MAPT: variants seen among roughly 807,000 people sequenced by gnomAD.
MAPT encodes microtubule associated protein tau.
A neutral mutation model predicts 67.9 loss-of-function variants in MAPT; 34 were observed. That is an observed-to-expected ratio of 0.50 (90% CI 0.38 to 0.67). The LOEUF (loss-of-function observed/expected upper bound fraction) is 0.67. MAPT is among the 30% of genes least tolerant of loss of function. The pLI is 0.00. For synonymous variants in MAPT, 456 were observed against 464.5 expected (o/e 0.98, Z 0.23); for missense variants, 881 against 1,115.2 (o/e 0.79, Z 2.99).
intron 1 of MAPT, among the ~76,000 whole-genome samples, chr17:45,944,454 C>T (rs1598080462): frequency 1.3e-5 from 2 of 152,174 alleles, no homozygotes; most frequent in African/African-American, 2.4e-5. Context: ...GGGTTGGGGG[C>T]GAGTGGCCTC....
At chr17:45,968,557 T>A (rs975168851) in intron 2 of MAPT, among the ~76,000 whole-genome samples, 6 of 152,190 alleles carry the variant, frequency 3.9e-5, no homozygotes, top group Non-Finnish European at 8.8e-5. Context: ...ATTTCCAGAC[T>A]AAAAGTCCCC....
chr17:46,003,468 G>A (rs2075187514), intron 9 of MAPT, among the ~76,000 whole-genome samples: 1 of 151,910 alleles, frequency 6.6e-6, no homozygotes, highest in Non-Finnish European at 1.5e-5. Context: ...TAGTAGAGGA[G>A]GGGTGTCACC....
intron 1 of MAPT, among the ~76,000 whole-genome samples, chr17:45,945,627 A>T (rs936830789): frequency 4.6e-5 from 7 of 152,328 alleles, no homozygotes; most frequent in South Asian, 2.1e-4. Context: ...AGCCTGGCCA[A>T]CATGGTGAAA....
chr17:45,994,057 G>A, intron 8 of MAPT: 1 of 1,398,104 alleles, frequency 7.2e-7, no homozygotes, highest in Non-Finnish European at 9.8e-7. Flanking sequence ...CTAGAGCCGG[G>A]AGGACCCTTT....
At chr17:45,992,159 GA>G (rs1039736883) in intron 8 of MAPT, among the ~76,000 whole-genome samples, 1 of 151,724 alleles carries the variant, frequency 6.6e-6, no homozygotes, top group Non-Finnish European at 1.5e-5. Flanking sequence ...ACAGAAAAAG[GA>G]AAAAAAAGAA....
chr17:46,002,023 T>C (rs919411345), intron 9 of MAPT, among the ~76,000 whole-genome samples: 1 of 152,174 alleles, frequency 6.6e-6, no homozygotes, highest in African/African-American at 2.4e-5. Flanking sequence ...CACTGCAACG[T>C]GGAGCTCTTC....
intron 5 of MAPT, among the ~76,000 whole-genome samples, chr17:45,986,186 T>C (rs762880242): frequency 2.0e-5 from 3 of 152,160 alleles, no homozygotes; most frequent in Non-Finnish European, 2.9e-5. Flanking sequence ...TTCGTGCCCT[T>C]TGAAGACCAG....
chr17:45,929,191 A>T, intron 1 of MAPT, among the ~76,000 whole-genome samples: 1 of 152,224 alleles, frequency 6.6e-6, no homozygotes. Flanking sequence ...TGTTAATTTC[A>T]TATTTCATGA....
chr17:46,003,384 C>T (rs1335466079), intron 9 of MAPT, among the ~76,000 whole-genome samples: 1 of 151,436 alleles, frequency 6.6e-6, no homozygotes, highest in African/African-American at 2.4e-5. Flanking sequence ...GTTGAAGCAA[C>T]TCTCCTGCCT....
intron 1 of MAPT, chr17:45,908,076 A>G (rs1174493620): frequency 6.6e-6 from 1 of 152,250 alleles, no homozygotes; most frequent in Non-Finnish European, 1.5e-5. Context: ...GCCTCTGTGA[A>G]TGGGTCATAT....
Position 45,971,875 on chromosome 17 carries a change from C to G in MAPT, c.150C>G (p.Thr50=). The change falls in exon 3 of 13, where the codon ACC becomes ACG. Residue 50 remains threonine (T), a synonymous_variant. Coordinates refer to ENST00000262410, the MANE Select transcript of MAPT (RefSeq NM_001377265.1). This position sits in a 1 kb window ranked among gnomAD's most constrained non-coding sequence, Gnocchi z 4.3. ...DAGLKESPLQ[T]PTEDGSEEPG... Reference sequence around the variant, plus strand: ...GTGTTCCAGAATCTCCCCTGCAGACCCCCACTGAGGACGGATCTGAGGAAC... The same window carrying G: ...GTGTTCCAGAATCTCCCCTGCAGACGCCCACTGAGGACGGATCTGAGGAAC... 1 of 1,613,814 alleles carries G rather than the reference C, an allele frequency of 6.2e-7. No individual in the cohort carries two copies. Among genetic ancestry groups the G allele is most frequent in the South Asian group, 1.1e-5 (1 of 91,074 alleles).
chr17:45,944,797 G>A (rs563878426), intron 1 of MAPT, among the ~76,000 whole-genome samples: 210 of 152,236 alleles, frequency 1.4e-3, no homozygotes, highest in Middle Eastern at 3.4e-3. Context: ...CGCAGCACCC[G>A]GAGGTGCTGC....
At chr17:45,903,548 T>A (rs963676660) in intron 1 of MAPT, among the ~76,000 whole-genome samples, 8 of 150,454 alleles carry the variant, frequency 5.3e-5, no homozygotes, top group African/African-American at 2.0e-4. Flanking sequence ...ACCCCGTCTC[T>A]ACTAAAAATA....
At chr17:45,969,502 A>G (rs949117908) in intron 2 of MAPT, among the ~76,000 whole-genome samples, 86 of 150,904 alleles carry the variant, frequency 5.7e-4, no homozygotes, top group African/African-American at 2.0e-3. Context: ...AATTATACAT[A>G]CATCCAATCA....
At position 45,962,482 on chromosome 17, in the gene MAPT, G is replaced by C. The variant is rs2070552228; in HGVS notation, c.133+12G>C. ...CGCTGGCCTGAAAGGTTAGTGGACA[G>C]CCATGCACAGCAGGCCCAGATCACT... On this transcript the variant is annotated intron_variant, in intron 2 of 12. Transcript: ENST00000262410. 6.2e-7 allele frequency: 1 copy of C among 1,612,152 alleles called. No individual in the cohort carries two copies. The highest frequency in any genetic ancestry group is 1.7e-5 in the Admixed American group (1 of 59,926).
Position 45,917,770 on chromosome 17 carries a change from CT to C in MAPT, c.-18+23097del, listed in dbSNP as rs66632770. Among the ~76,000 whole-genome samples the C allele has an allele frequency of 7.8e-3, 1,094 of 139,468 alleles. 12 individuals are homozygous for C. The highest frequency in any genetic ancestry group is 0.02 in the African/African-American group (786 of 39,136). 91.5% of individuals were successfully genotyped at this position (139,468 alleles called of 152,430 possible). ...TGTGGATCCTGGAGGATTCCAGCGT[CT>C]TTTTTTTTTTTTCTTTTTTTTTAAG... is the stretch of plus-strand genomic sequence containing the variant. On this transcript the variant is annotated intron_variant, in intron 1 of 12. Transcript: ENST00000262410.
At chr17:45,992,278 T>C (rs1212652705) in intron 8 of MAPT, among the ~76,000 whole-genome samples, 1 of 152,226 alleles carries the variant, frequency 6.6e-6, no homozygotes, top group African/African-American at 2.4e-5. Flanking sequence ...GGAGCCTCTC[T>C]GGCCCCAAGT....
At chr17:45,993,730 C>T (rs2145796133) in intron 8 of MAPT, among the ~76,000 whole-genome samples, 1 of 152,196 alleles carries the variant, frequency 6.6e-6, no homozygotes, top group East Asian at 1.9e-4. Flanking sequence ...CAACGTGATG[C>T]ATTTCCCTTT....
intron 9 of MAPT, among the ~76,000 whole-genome samples, chr17:46,009,292 G>A (rs1429657886): frequency 1.3e-5 from 2 of 152,190 alleles, no homozygotes; most frequent in African/African-American, 2.4e-5. Context: ...TGAGGAAGAC[G>A]TTCTCACTGA....
Sources: gnomAD v4.1 joint callset for allele counts (sites outside exome capture counted in the v4.1 genomes callset) on GRCh38, gnomAD v4.1.1 for gene constraint, Gnocchi (gnomAD v3.1) non-coding constraint, MANE v1.5 for transcripts, NCBI Gene and HGNC (gene_info 2026-07-23, HGNC 2026-07-21) for gene names.